Variants in LRP12 observed in about 807,000 individuals in gnomAD.
The protein encoded by LRP12 is low-density lipoprotein receptor-related protein 12.
In LRP12, 14 loss-of-function variants were observed where a neutral mutation model predicts 66.0. That is an observed-to-expected ratio of 0.21 (90% CI 0.14 to 0.33). The LOEUF (loss-of-function observed/expected upper bound fraction) is 0.33. Ranked by LOEUF, LRP12 falls within the 10% of genes least tolerant of loss-of-function variation. The pLI is 1.00. For synonymous variants in LRP12, 357 were observed against 359.1 expected, an observed-to-expected ratio of 0.99 and a Z score of 0.07; for missense variants, 889 against 1,053.4, an observed-to-expected ratio of 0.84 and a Z score of 2.16.
At chr8:104,552,325 G>A (rs1811739690) in intron 1 of LRP12, among the ~76,000 whole-genome samples, 2 of 151,538 alleles carry the variant, frequency 1.3e-5, no homozygotes, top group Non-Finnish European at 2.9e-5. Flanking sequence ...GTTCTTAACA[G>A]CTTATAGCCC....
chr8:104,499,514 T>C lies in LRP12; in HGVS notation c.278A>G (p.Gln93Arg). The change falls in exon 4 of 7, where the codon CAG (glutamine) becomes CGG (arginine). Residue 93 changes from glutamine to arginine, a missense_variant. Physicochemically the swap from Gln to Arg is conservative, Grantham distance 43 (BLOSUM62 1). This residue lies in a region of LRP12 where 800 missense variants were observed against 964.5 expected (regional missense o/e 0.83). Coordinates refer to ENST00000276654, the MANE Select transcript of LRP12 (RefSeq NM_013437.5). Reference protein sequence around the residue: ...NPGEIITISFQDFDIQGSRRC... With the variant: ...NPGEIITISFRDFDIQGSRRC... Reference sequence around the variant, plus strand: ...TCTGGATCCTTGAATATCAAAATCCTGAAAACTGAAAAAAAAATCAGAAAT... The same window carrying C: ...TCTGGATCCTTGAATATCAAAATCCCGAAAACTGAAAAAAAAATCAGAAAT... The C allele has an allele frequency of 1.3e-6, 2 of 1,580,184 alleles. No homozygotes were observed. The highest frequency in any genetic ancestry group is 1.7e-6 in the Non-Finnish European group (2 of 1,169,150).
chr8:104,584,909 A>G (rs1812306613), intron 1 of LRP12, among the ~76,000 whole-genome samples: 1 of 152,218 alleles, frequency 6.6e-6, no homozygotes, highest in Non-Finnish European at 1.5e-5. Flanking sequence ...CTACCCTTAA[A>G]CCAGTTATTA....
chr8:104,580,599 G>GA (rs775118901), intron 1 of LRP12, among the ~76,000 whole-genome samples: 8 of 150,744 alleles, frequency 5.3e-5, no homozygotes, highest in African/African-American at 1.2e-4. Context: ...ACATTTACAA[G>GA]AAAAAAACCC....
intron 2 of LRP12, 89 bp from the exon 3 acceptor site, chr8:104,509,163 A>G: frequency 1.8e-6 from 2 of 1,140,522 alleles, no homozygotes; most frequent in Non-Finnish European, 2.5e-6. Flanking sequence ...AAACCAAAAA[A>G]CTTTACACAT....
intron 6 of LRP12, among the ~76,000 whole-genome samples, chr8:104,494,514 C>T (rs1358654092): frequency 6.6e-6 from 1 of 152,042 alleles, no homozygotes; most frequent in East Asian, 1.9e-4. Context: ...ATCCTTATGC[C>T]TAAAATGAAC....
chr8:104,491,339 A>C lies in LRP12; in HGVS notation c.1914T>G (p.Pro638=), dbSNP rs781774103. 5.0e-6 allele frequency: 8 copies of C among 1,614,008 alleles called. No individual in the cohort carries two copies. The highest frequency in any genetic ancestry group is 6.8e-6 in the Non-Finnish European group (8 of 1,180,026). ...AACTTCTGTGAGTATGATTTCTCTC[A>C]GGTTCTCTACTGGTACTCTGACTAG... ...VVPSQSTSRE[P]ERNHTHRSLF... Residue 638 remains proline (P), a synonymous_variant, in exon 7 of 7, where the codon CCT becomes CCG. Transcript: ENST00000276654.
chr8:104,537,068 A>T (rs1429433244), intron 1 of LRP12, among the ~76,000 whole-genome samples: 1 of 133,956 alleles, frequency 7.5e-6, no homozygotes, highest in Non-Finnish European at 1.6e-5. Context: ...AAAAATATGT[A>T]AAAAAAAAAA....
intron 2 of LRP12, among the ~76,000 whole-genome samples, chr8:104,525,461 A>C (rs759705971): frequency 2.0e-5 from 3 of 152,176 alleles, no homozygotes; most frequent in Non-Finnish European, 4.4e-5. Flanking sequence ...AACAGAACAA[A>C]TTATTCCAAG....
rs973809710 is a variant in LRP12, at chr8:104,509,163, A to C, written c.137-89T>G. ...GTGTTTATTTTTTAAAAACCAAAAA[A>C]CTTTACACATCAAATAATAACCAAT... On this transcript the variant is annotated intron_variant, in intron 2 of 6. Transcript: ENST00000276654. 2.6e-6 allele frequency: 3 copies of C among 1,140,404 alleles called. No homozygotes were observed. In the African/African-American group the frequency reaches 4.6e-5, roughly 18 times the overall value. The allele number at this position is 1,140,404 out of a possible 1,614,324, so 70.6% of individuals were successfully genotyped here.
At position 104,490,223 on chromosome 8, in the gene LRP12, G is replaced by GTT. The variant is rs34015353; in HGVS notation, c.*448_*449dup. ...AATGAAAACGCAGGTGAGTATAAGG[G>GTT]TTTTTTTTTTGTACATTAACAACCT... On this transcript the variant is annotated 3_prime_UTR_variant, in exon 7 of 7. Coordinates refer to ENST00000276654, the MANE Select transcript of LRP12 (RefSeq NM_013437.5). The GTT allele has an allele frequency of 3.8e-3, 566 of 149,110 alleles. 3 individuals carry two copies. Among genetic ancestry groups the GTT allele is most frequent in the East Asian group, 0.027 (138 of 5,088 alleles). 9.2% of individuals were successfully genotyped at this position (149,110 alleles called of 1,614,324 possible).
At chr8:104,522,857 A>C (rs554565484) in intron 2 of LRP12, among the ~76,000 whole-genome samples, 22 of 152,266 alleles carry the variant, frequency 1.4e-4, no homozygotes, top group Admixed American at 1.3e-3. Flanking sequence ...TACTTAAAAA[A>C]AAACAGTTTG....
intron 1 of LRP12, among the ~76,000 whole-genome samples, chr8:104,537,453 T>C (rs1811406727): frequency 6.6e-6 from 1 of 152,088 alleles, no homozygotes; most frequent in Non-Finnish European, 1.5e-5. Flanking sequence ...AACACTTCCA[T>C]CTCACAAATC....
chr8:104,501,703 C>CAAA (rs35580913), intron 3 of LRP12, among the ~76,000 whole-genome samples: 1 of 118,714 alleles, frequency 8.4e-6, no homozygotes, highest in African/African-American at 3.0e-5. Flanking sequence ...GACTCCACCT[C>CAAA]AAAAAAAAAA....
chr8:104,519,285 A>T (rs1001207961), intron 2 of LRP12, among the ~76,000 whole-genome samples: 2 of 152,056 alleles, frequency 1.3e-5, no homozygotes, highest in East Asian at 3.9e-4. Context: ...CAGAGTTGGA[A>T]GGGGACAGAG....
At chr8:104,514,215 C>T (rs1290477008) in intron 2 of LRP12, among the ~76,000 whole-genome samples, 1 of 152,124 alleles carries the variant, frequency 6.6e-6, no homozygotes, top group Non-Finnish European at 1.5e-5. Flanking sequence ...AGGAAATCCT[C>T]TGGGTCTTCC....
At chr8:104,528,356 C>T (rs1811272930) in intron 2 of LRP12, among the ~76,000 whole-genome samples, 2 of 152,136 alleles carry the variant, frequency 1.3e-5, no homozygotes, top group Admixed American at 1.3e-4. Context: ...TGAGATTCTT[C>T]CAAAGGCTAC....
At chr8:104,551,087 C>T (rs1811717766) in intron 1 of LRP12, among the ~76,000 whole-genome samples, 1 of 152,100 alleles carries the variant, frequency 6.6e-6, no homozygotes, top group African/African-American at 2.4e-5. Context: ...CTGCCTTTAC[C>T]TTGTACTTAT....
chr8:104,537,255 G>A (rs1405352334), intron 1 of LRP12, among the ~76,000 whole-genome samples: 1 of 152,002 alleles, frequency 6.6e-6, no homozygotes, highest in East Asian at 1.9e-4. Flanking sequence ...AGAGATGAGA[G>A]TTTAGAGGGG....
chr8:104,577,832 A>G (rs1194527247), intron 1 of LRP12, among the ~76,000 whole-genome samples: 1 of 151,738 alleles, frequency 6.6e-6, no homozygotes, highest in Non-Finnish European at 1.5e-5. Context: ...AAAAAAGAAA[A>G]AGAAAGTTCT....
Sources: allele counts gnomAD v4.1 joint callset (sites outside exome capture counted in the v4.1 genomes callset), GRCh38; gene constraint gnomAD v4.1.1; regional missense constraint gnomAD v4.1.1; transcripts MANE v1.5; gene names NCBI Gene and HGNC (gene_info 2026-07-23, HGNC 2026-07-21).